The following FAM3B variants were observed in gnomAD, a reference collection of about 807,000 sequenced individuals.
FAM3B encodes the protein protein FAM3B.
A neutral mutation model predicts 28.4 loss-of-function variants in FAM3B; 29 were observed. The ratio of observed to expected loss-of-function variants is 1.02; its 90% confidence interval spans 0.76 to 1.39. The LOEUF is 1.39. FAM3B is among the 40% of genes most tolerant of loss of function. FAM3B has a pLI of 0.00. For missense variants in FAM3B, 266 were observed against 293.9 expected (o/e 0.91, Z 0.69); for synonymous variants, 91 against 103.0 (o/e 0.88, Z 0.71).
intron 1 of FAM3B, among the ~76,000 whole-genome samples, chr21:41,306,002 C>T (rs993426213): frequency 1.7e-4 from 26 of 152,330 alleles, no homozygotes; most frequent in African/African-American, 9.6e-5. Context: ...ACTCTATCAA[C>T]GAAGTTTATG....
rs2089133383 is a variant in FAM3B, at chr21:41,352,811, A to ATAAG, written c.618+4090_618+4091insGTAA. Among the ~76,000 whole-genome samples the ATAAG allele has an allele frequency of 2.4e-5, 3 of 127,074 alleles. No individual in the cohort carries two copies. In the East Asian group the frequency reaches 7.1e-4, roughly 30 times the overall value. 83.4% of individuals were successfully genotyped at this position (127,074 alleles called of 152,430 possible). ...CTCCATCTCAAAAATAAATAAATAA[A>ATAAG]TAAATAAATAAATAAAGGAAGAAGT... On this transcript the variant is annotated intron_variant, in intron 7 of 7. Transcript: ENST00000357985.
At chr21:41,349,226 C>T (rs1282033582) in intron 7 of FAM3B, among the ~76,000 whole-genome samples, 1 of 152,162 alleles carries the variant, frequency 6.6e-6, no homozygotes, top group Non-Finnish European at 1.5e-5. Flanking sequence ...AAGTAAAGAG[C>T]AAAAGAATGG....
intron 1 of FAM3B, among the ~76,000 whole-genome samples, chr21:41,309,945 C>A: frequency 6.6e-6 from 1 of 152,234 alleles, no homozygotes; most frequent in Admixed American, 6.5e-5. Flanking sequence ...TTGCCTGCCT[C>A]TTCTGGTCCC....
At chr21:41,316,538 C>T (rs1368261048), upstream of FAM3B, among the ~76,000 whole-genome samples, 2 of 152,322 alleles carry the variant, frequency 1.3e-5, no homozygotes, top group South Asian at 4.1e-4. Context: ...TATCAAGTGG[C>T]GTCGTTTCCT....
At chr21:41,308,096 T>C (rs1296936270) in intron 1 of FAM3B, among the ~76,000 whole-genome samples, 1 of 152,240 alleles carries the variant, frequency 6.6e-6, no homozygotes, top group Non-Finnish European at 1.5e-5. Context: ...CTTACATAAC[T>C]TGTTTCTAAA....
At chr21:41,325,032 G>A (rs759615305) in intron 2 of FAM3B, among the ~76,000 whole-genome samples, 8 of 152,184 alleles carry the variant, frequency 5.3e-5, no homozygotes, top group Non-Finnish European at 1.0e-4. Context: ...AACCCAGTAG[G>A]TGGAGGTTGC....
In FAM3B at chr21:41,310,726, C is replaced by T. The variant is rs571041224; in HGVS notation, n.99+6416C>T. On this transcript the variant is annotated intron_variant and non_coding_transcript_variant, in intron 1 of 9. Coordinates refer to the FAM3B transcript ENST00000479810. The stretch of plus-strand genomic sequence containing the variant: ...GACACAGAGAGCCTCTTGCTTTCCA[C>T]GTAGTTGGTCAGCTGGCCCTGATTC... Among the ~76,000 whole-genome samples the T allele has an allele frequency of 4.6e-5, 7 of 152,248 alleles. No individual in the cohort carries two copies. The South Asian group carries it at 8.3e-4, about 18-fold the overall frequency.
At chr21:41,349,810 A>G (rs1194869440) in intron 7 of FAM3B, among the ~76,000 whole-genome samples, 1 of 151,716 alleles carries the variant, frequency 6.6e-6, no homozygotes, top group Non-Finnish European at 1.5e-5. Context: ...CCCGGAAACC[A>G]TGGTTATTTT....
chr21:41,323,509 G>A (rs1488629316), intron 2 of FAM3B, among the ~76,000 whole-genome samples: 2 of 152,242 alleles, frequency 1.3e-5, no homozygotes, highest in East Asian at 3.8e-4. Flanking sequence ...GTATGTCGGT[G>A]AACACACGGC....
chr21:41,338,786 TGGGTTCTAC>T (rs2088978776), intron 3 of FAM3B, among the ~76,000 whole-genome samples: 2 of 152,180 alleles, frequency 1.3e-5, no homozygotes, highest in African/African-American at 4.8e-5. Flanking sequence ...CACAGCCCTG[TGGGTTCTAC>T]GGGTGATGAT....
intron 1 of FAM3B, among the ~76,000 whole-genome samples, chr21:41,304,667 C>G (rs868832916): frequency 6.6e-6 from 1 of 152,154 alleles, no homozygotes; most frequent in Non-Finnish European, 1.5e-5. Flanking sequence ...AGCCCCCGAC[C>G]CCACACGGGC....
At chr21:41,324,830 A>G (rs2088841556) in intron 2 of FAM3B, among the ~76,000 whole-genome samples, 2 of 152,214 alleles carry the variant, frequency 1.3e-5, no homozygotes, top group Non-Finnish European at 2.9e-5. Flanking sequence ...GGCCTGGCGC[A>G]GTGGCTCACA....
At chr21:41,345,234 C>G (rs58958361) in intron 4 of FAM3B, among the ~76,000 whole-genome samples, 1 of 108,500 alleles carries the variant, frequency 9.2e-6, no homozygotes, top group Non-Finnish European at 1.9e-5. Flanking sequence ...TGGGAAGAGG[C>G]GGGTGGGCCT....
Position 41,316,869 on chromosome 21 carries a change from G to A in FAM3B, c.-11G>A. The A allele has an allele frequency of 1.4e-6, 2 of 1,418,024 alleles. No individual in the cohort carries two copies. The highest frequency in any genetic ancestry group is 3.0e-5 in the Admixed American group (1 of 32,804). 87.8% of individuals were successfully genotyped at this position (1,418,024 alleles called of 1,614,324 possible). On this transcript the variant is annotated 5_prime_UTR_variant, in exon 1 of 8. Coordinates refer to ENST00000357985, the MANE Select transcript of FAM3B (RefSeq NM_058186.4). ...TGCCGCCAGGGCCAGGAGGGGAGCG[G>A]CACCTGGAAGATGCGCCCATTGGCT...
intron 4 of FAM3B, among the ~76,000 whole-genome samples, chr21:41,344,993 A>G (rs887920805): frequency 1.3e-5 from 2 of 152,196 alleles, no homozygotes; most frequent in Non-Finnish European, 2.9e-5. Flanking sequence ...GCTCTCTCAC[A>G]GTTGCCTTTG....
At chr21:41,323,772 G>A (rs2071759783) in intron 2 of FAM3B, among the ~76,000 whole-genome samples, 1 of 152,202 alleles carries the variant, frequency 6.6e-6, no homozygotes, top group Non-Finnish European at 1.5e-5. Context: ...TGAGAAGGAG[G>A]TGACAATTGA....
chr21:41,348,777 G>A (rs1450954714), intron 7 of FAM3B, 53 bp downstream of exon 7: 3 of 1,607,066 alleles, frequency 1.9e-6, no homozygotes, highest in African/African-American at 2.7e-5. Flanking sequence ...AGTAAATGCT[G>A]TGCCTTGAAA....
chr21:41,338,703 ATG>A (rs2088978058), intron 3 of FAM3B, among the ~76,000 whole-genome samples: 3 of 151,150 alleles, frequency 2.0e-5, no homozygotes, highest in Admixed American at 2.0e-4. Context: ...TAATGGCTGT[ATG>A]TGTCTTGTGT....
rs186247220 is a variant in FAM3B, at chr21:41,333,259, A to G, written c.164-5119A>G. Among the ~76,000 whole-genome samples the G allele has an allele frequency of 1.3e-3, 200 of 151,630 alleles. 1 individual carries two copies. In the Middle Eastern group the frequency reaches 0.017, roughly 13 times the overall value. On this transcript the variant is annotated intron_variant, in intron 2 of 7. Coordinates refer to ENST00000357985, the MANE Select transcript of FAM3B (RefSeq NM_058186.4). Reference sequence around the variant, plus strand: ...TTGAATTTTCTGAAATTACTTTTTGATATGGCTTGAATCTGTGTCCTCACC... The same window carrying G: ...TTGAATTTTCTGAAATTACTTTTTGGTATGGCTTGAATCTGTGTCCTCACC...
Sources: allele counts gnomAD v4.1 joint callset (sites outside exome capture counted in the v4.1 genomes callset), GRCh38; gene constraint gnomAD v4.1.1; transcripts MANE v1.5; gene names NCBI Gene and HGNC (gene_info 2026-07-23, HGNC 2026-07-21).